Variants in DLC1 observed in about 807,000 individuals in gnomAD.
The protein encoded by DLC1 is DLC1 Rho GTPase activating protein.
Under a neutral mutation model 140.3 loss-of-function variants are expected in DLC1, and 54 were observed. The ratio of observed to expected loss-of-function variants is 0.38; its 90% CI spans 0.31 to 0.48. DLC1 has a LOEUF of 0.48. Ranked by LOEUF, DLC1 falls within the 20% of genes least tolerant of loss-of-function variation. DLC1 has a pLI of 0.96. For synonymous variants in DLC1, 986 were observed against 728.1 expected, an observed-to-expected ratio of 1.35 and a Z score of -5.70; for missense variants, 2,536 against 1,907.0, an observed-to-expected ratio of 1.33 and a Z score of -6.14.
chr8:13,104,995 C>T (rs1439416588), intron 7 of DLC1, among the ~76,000 whole-genome samples: 1 of 152,198 alleles, frequency 6.6e-6, no homozygotes, highest in Non-Finnish European at 1.5e-5. Context: ...GGAATGGTTA[C>T]AGTTAGTCTT....
At chr8:13,095,379 A>G (rs1818425786) in intron 10 of DLC1, 134 bp from the exon 11 acceptor site, 3 of 1,146,264 alleles carry the variant, frequency 2.6e-6, no homozygotes, top group Non-Finnish European at 3.7e-6. Flanking sequence ...ATTTAAATTA[A>G]ACAAAATGAC....
chr8:13,291,732 C>A (rs549796432), intron 5 of DLC1, among the ~76,000 whole-genome samples: 1 of 152,276 alleles, frequency 6.6e-6, no homozygotes, highest in Non-Finnish European at 1.5e-5. Context: ...ATGTAGTATT[C>A]TCTTTCCCTA....
intron 2 of DLC1, among the ~76,000 whole-genome samples, chr8:13,409,759 A>G (rs140395884): frequency 1.7e-4 from 26 of 152,254 alleles, no homozygotes; most frequent in Admixed American, 6.5e-4. Flanking sequence ...TTGTCTCTTT[A>G]TGTTTAATTT....
chr8:13,339,554 T>C (rs1616744), intron 4 of DLC1: 141,858 of 152,300 alleles, frequency 0.93, 66,587 homozygotes, highest in East Asian at 1. Flanking sequence ...TGGTCTCTGG[T>C]AGGACACAGG....
chr8:13,462,244 T>A (rs1799699578), intron 2 of DLC1, among the ~76,000 whole-genome samples: 1 of 152,094 alleles, frequency 6.6e-6, no homozygotes. Flanking sequence ...ATTTACCAAT[T>A]TTTTATTTGT....
chr8:13,396,413 A>G (rs1017513796), intron 3 of DLC1, among the ~76,000 whole-genome samples: 1 of 152,170 alleles, frequency 6.6e-6, no homozygotes, highest in Non-Finnish European at 1.5e-5. Flanking sequence ...GTAATCTTGT[A>G]TCTTTTGAAC....
chr8:13,425,446 C>A (rs2117366269), intron 2 of DLC1, among the ~76,000 whole-genome samples: 1 of 152,236 alleles, frequency 6.6e-6, no homozygotes, highest in South Asian at 2.1e-4. Flanking sequence ...GGGAATGATG[C>A]TGCTAACACT....
chr8:13,102,459 T>C (rs1819176606), intron 8 of DLC1, among the ~76,000 whole-genome samples: 1 of 152,216 alleles, frequency 6.6e-6, no homozygotes. Context: ...TAAACCTCAG[T>C]TTATTTCCTC....
At chr8:13,380,492 A>G (rs1038071606) in intron 4 of DLC1, among the ~76,000 whole-genome samples, 1 of 152,192 alleles carries the variant, frequency 6.6e-6, no homozygotes, top group Admixed American at 6.5e-5. Context: ...TTATCAGGAC[A>G]AATTAAGGAA....
At chr8:13,211,081 T>C (rs1827917515) in intron 5 of DLC1, among the ~76,000 whole-genome samples, 1 of 152,154 alleles carries the variant, frequency 6.6e-6, no homozygotes, top group Non-Finnish European at 1.5e-5. Flanking sequence ...TCAAACCAGC[T>C]AGGACTAGGA....
chr8:13,463,857 A>G (rs1378541918), intron 2 of DLC1, among the ~76,000 whole-genome samples: 1 of 152,140 alleles, frequency 6.6e-6, no homozygotes, highest in Admixed American at 6.5e-5. Flanking sequence ...AGTTCTTTTC[A>G]AGGGGACACG....
At chr8:13,249,184 C>A (rs1563197305) in intron 5 of DLC1, among the ~76,000 whole-genome samples, 1 of 152,192 alleles carries the variant, frequency 6.6e-6, no homozygotes, top group Non-Finnish European at 1.5e-5. Context: ...TCAAGCGGTT[C>A]TCCTGCCTCA....
chr8:13,294,669 A>C (rs1383077772), intron 5 of DLC1, among the ~76,000 whole-genome samples: 1 of 152,034 alleles, frequency 6.6e-6, no homozygotes, highest in Non-Finnish European at 1.5e-5. Context: ...TAGGGTGAAA[A>C]GGAAGGGTAA....
intron 2 of DLC1, among the ~76,000 whole-genome samples, chr8:13,424,625 T>A (rs1294173583): frequency 1.3e-5 from 2 of 152,170 alleles, no homozygotes; most frequent in Middle Eastern, 3.4e-3. Context: ...CAGGCTGGAG[T>A]GCAGTGCTGC....
intron 5 of DLC1, among the ~76,000 whole-genome samples, chr8:13,188,474 G>T (rs1385538455): frequency 1.4e-5 from 2 of 146,294 alleles, no homozygotes; most frequent in African/African-American, 5.0e-5. Flanking sequence ...ATTTAGATTA[G>T]CAGTTACTTT....
At position 13,090,120 on chromosome 8, in the gene DLC1, G is replaced by C. The variant is rs570829504; in HGVS notation, c.4074+132C>G. ...CACCACGGGGATCTTACTCACCCCG[G>C]TGCCCAGCTCTACAAGGGAGGTTGT... On this transcript the variant is annotated intron_variant, in intron 15 of 17. Transcript: ENST00000276297. The C allele has an allele frequency of 1.4e-5, 11 of 785,134 alleles. No individual in the cohort carries two copies. The South Asian group carries it at 1.7e-4, about 12-fold the overall frequency. The allele number at this position is 785,134 out of a possible 1,614,324, so 48.6% of individuals were successfully genotyped here. A position where few individuals can be genotyped will look rare whatever the true frequency, so the allele number is the denominator to read the frequency against.
At chr8:13,162,782 C>T (rs553643781) in intron 5 of DLC1, among the ~76,000 whole-genome samples, 1 of 152,110 alleles carries the variant, frequency 6.6e-6, no homozygotes, top group African/African-American at 2.4e-5. Flanking sequence ...TTTACGCCTC[C>T]CCAGCCCCCT....
intron 5 of DLC1, among the ~76,000 whole-genome samples, chr8:13,127,006 A>G (rs1376497533): frequency 6.6e-6 from 1 of 152,220 alleles, no homozygotes; most frequent in Non-Finnish European, 1.5e-5. Context: ...TATGGCAGGT[A>G]CTTGTTAGGA....
chr8:13,276,626 C>T (rs1416583285), intron 5 of DLC1: 6 of 1,210,368 alleles, frequency 5.0e-6, no homozygotes, highest in Middle Eastern at 3.2e-4. Flanking sequence ...GCGACACCCT[C>T]GCGGGGCGCG....
Sources: gnomAD v4.1 joint callset for allele counts (sites outside exome capture counted in the v4.1 genomes callset) on GRCh38, gnomAD v4.1.1 for gene constraint, MANE v1.5 for transcripts, NCBI Gene and HGNC (gene_info 2026-07-23, HGNC 2026-07-21) for gene names.